Variants in SIPA1L1 observed in about 807,000 individuals in gnomAD.
SIPA1L1 encodes signal-induced proliferation-associated 1-like protein 1.
A neutral mutation model predicts 162.7 loss-of-function variants in SIPA1L1; 26 were observed. The ratio of observed to expected loss-of-function variants is 0.16; its 90% confidence interval spans 0.12 to 0.22. The LOEUF is 0.22. Ranked by LOEUF, SIPA1L1 falls within the 10% of genes least tolerant of loss-of-function variation. The pLI is 1.00. For missense variants in SIPA1L1, 1,874 were observed against 2,241.0 expected, an observed-to-expected ratio of 0.84 and a Z score of 3.31; for synonymous variants, 829 against 837.4, an observed-to-expected ratio of 0.99 and a Z score of 0.17.
chr14:71,572,083 G>A (rs2032173615), intron 4 of SIPA1L1, among the ~76,000 whole-genome samples: 1 of 152,288 alleles, frequency 6.6e-6, no homozygotes, highest in African/African-American at 2.4e-5. Context: ...CTGAGGGGCT[G>A]AGCCTCCTAA....
chr14:71,541,720 C>T (rs762148879), intron 4 of SIPA1L1, among the ~76,000 whole-genome samples: 2 of 152,072 alleles, frequency 1.3e-5, no homozygotes, highest in Non-Finnish European at 2.9e-5. Context: ...CTGCAGTGAG[C>T]TATAATTATG....
chr14:71,599,586 C>T lies in SIPA1L1; in HGVS notation c.1498+10216C>T, dbSNP rs532142810. On this transcript the variant is annotated intron_variant, in intron 5 of 23. Transcript: ENST00000381232. ...ATCTTTGCTATTGCAAATAGTTTTG[C>T]AATAAACACGTGAGTGTATGTATCC... Among the ~76,000 whole-genome samples the T allele has an allele frequency of 3.3e-5, 5 of 150,614 alleles. No individual in the cohort carries two copies. The South Asian group carries it at 1.0e-3, about 31-fold the overall frequency.
chr14:71,536,267 C>T (rs1359291597), intron 4 of SIPA1L1, among the ~76,000 whole-genome samples: 1 of 152,166 alleles, frequency 6.6e-6, no homozygotes, highest in Non-Finnish European at 1.5e-5. Flanking sequence ...GTTTCCTTCT[C>T]TGATGCTCAG....
chr14:71,389,074 C>T (rs2040557815), intron 2 of SIPA1L1, among the ~76,000 whole-genome samples: 1 of 152,176 alleles, frequency 6.6e-6, no homozygotes, highest in Non-Finnish European at 1.5e-5. Context: ...GCCACCGTGC[C>T]TGACCTGTTT....
intron 4 of SIPA1L1, among the ~76,000 whole-genome samples, chr14:71,537,248 C>T (rs995849298): frequency 2.0e-5 from 3 of 152,082 alleles, no homozygotes; most frequent in African/African-American, 7.2e-5. Flanking sequence ...CTCTGTTGCC[C>T]GGAGTGCAGT....
chr14:71,392,315 C>T (rs1427773702), intron 2 of SIPA1L1, among the ~76,000 whole-genome samples: 3 of 152,182 alleles, frequency 2.0e-5, no homozygotes, highest in Non-Finnish European at 4.4e-5. Flanking sequence ...ACTCGCCTGT[C>T]ACCGAGCCTT....
chr14:71,497,398 T>C (rs2049876210), intron 2 of SIPA1L1, among the ~76,000 whole-genome samples: 1 of 152,142 alleles, frequency 6.6e-6, no homozygotes, highest in South Asian at 2.1e-4. Flanking sequence ...TTTAAATACA[T>C]GTATGGATTT....
At chr14:71,634,643 A>G (rs2040935674) in intron 7 of SIPA1L1, among the ~76,000 whole-genome samples, 1 of 152,020 alleles carries the variant, frequency 6.6e-6, no homozygotes, top group African/African-American at 2.4e-5. Context: ...ACCCTTAAAA[A>G]GTAGCTAAGT....
chr14:71,558,643 A>G (rs1314780682), intron 4 of SIPA1L1, among the ~76,000 whole-genome samples: 1 of 152,104 alleles, frequency 6.6e-6, no homozygotes, highest in Non-Finnish European at 1.5e-5. Context: ...TAGTTTGTGA[A>G]TCTAGATAAT....
chr14:71,529,713 C>T (rs2053246440), intron 4 of SIPA1L1, among the ~76,000 whole-genome samples: 1 of 152,198 alleles, frequency 6.6e-6, no homozygotes, highest in Admixed American at 6.5e-5. Context: ...TGATTAGGAG[C>T]AGTCTCATTT....
intron 2 of SIPA1L1, chr14:71,330,870 T>A: frequency 1.8e-6 from 1 of 569,050 alleles, no homozygotes; most frequent in Non-Finnish European, 3.2e-6. Flanking sequence ...CACTCCAGGT[T>A]GCTTTTTTGC....
intron 4 of SIPA1L1, among the ~76,000 whole-genome samples, chr14:71,529,802 C>T (rs1161359085): frequency 6.6e-6 from 1 of 152,212 alleles, no homozygotes; most frequent in Non-Finnish European, 1.5e-5. Context: ...GGGATGGTTT[C>T]AGAGATGGTC....
chr14:71,699,973 A>C (rs991436868), intron 14 of SIPA1L1, among the ~76,000 whole-genome samples: 1 of 152,248 alleles, frequency 6.6e-6, no homozygotes, highest in African/African-American at 2.4e-5. Context: ...AGAACAATTA[A>C]GTTCTTCAAA....
At position 71,587,749 on chromosome 14, in the gene SIPA1L1, A is replaced by G; in HGVS notation, c.-124A>G. ...GCATCATTTAACCTTTTAAATGAAAAAGATTAAGATCTCATGCAACTGTTG... is the reference window on the plus strand; with the variant it reads ...GCATCATTTAACCTTTTAAATGAAAGAGATTAAGATCTCATGCAACTGTTG... On this transcript the variant is annotated 5_prime_UTR_variant, in exon 5 of 24. Transcript: ENST00000381232. 1 of 904,056 alleles carries G rather than the reference A, an allele frequency of 1.1e-6. No individual in the cohort carries two copies. Among genetic ancestry groups the G allele is most frequent in the East Asian group, 2.4e-5 (1 of 40,896 alleles). 56.0% of individuals were successfully genotyped at this position (904,056 alleles called of 1,614,324 possible).
At chr14:71,343,132 A>G (rs2035824067) in intron 2 of SIPA1L1, among the ~76,000 whole-genome samples, 1 of 152,188 alleles carries the variant, frequency 6.6e-6, no homozygotes, top group African/African-American at 2.4e-5. Flanking sequence ...ACTTCACGTT[A>G]CAGACTTTTC....
At chr14:71,504,762 T>A (rs1458089778) in intron 2 of SIPA1L1, among the ~76,000 whole-genome samples, 1 of 152,242 alleles carries the variant, frequency 6.6e-6, no homozygotes, top group Non-Finnish European at 1.5e-5. Context: ...ATTCCAAACA[T>A]TCCTTGCTCT....
At chr14:71,645,100 G>A (rs2042045271) in intron 7 of SIPA1L1, among the ~76,000 whole-genome samples, 2 of 152,202 alleles carry the variant, frequency 1.3e-5, no homozygotes, top group Admixed American at 6.5e-5. Flanking sequence ...GGCTGCCCGT[G>A]CACCTTGGCT....
intron 2 of SIPA1L1, among the ~76,000 whole-genome samples, chr14:71,373,622 A>C (rs1283426826): frequency 6.7e-6 from 1 of 148,300 alleles, no homozygotes; most frequent in Admixed American, 6.8e-5. Flanking sequence ...ACGTCACTGG[A>C]CTCCACCTTG....
intron 2 of SIPA1L1, chr14:71,330,392 G>T: frequency 1.9e-6 from 2 of 1,072,088 alleles, no homozygotes; most frequent in African/African-American, 1.5e-5. Flanking sequence ...AAGCGGACAT[G>T]CATGCTGATT....
Sources: allele counts gnomAD v4.1 joint callset (sites outside exome capture counted in the v4.1 genomes callset), GRCh38; gene constraint gnomAD v4.1.1; transcripts MANE v1.5; gene names NCBI Gene and HGNC (gene_info 2026-07-23, HGNC 2026-07-21).